DOCK4: variants seen among roughly 807,000 people sequenced by gnomAD.
DOCK4 encodes the protein dedicator of cytokinesis 4.
Under a neutral mutation model 268.1 loss-of-function variants are expected in DOCK4, and 97 were observed. The ratio of observed to expected loss-of-function variants is 0.36; its 90% CI spans 0.31 to 0.43. The LOEUF (loss-of-function observed/expected upper bound fraction) is 0.43. Among genes scored for constraint, DOCK4 ranks in the 20% least tolerant of loss-of-function variants. DOCK4 has a pLI of 1.00. For synonymous variants in DOCK4, 954 were observed against 887.2 expected (o/e 1.08, Z -1.34); for missense variants, 2,145 against 2,455.7 (o/e 0.87, Z 2.67).
intron 8 of DOCK4, among the ~76,000 whole-genome samples, chr7:111,973,864 T>C (rs1797927121): frequency 6.6e-6 from 1 of 152,090 alleles, no homozygotes; most frequent in African/African-American, 2.4e-5. Context: ...ATGTTGGAAA[T>C]TTTTCTAAAA....
rs138837802 is a variant in DOCK4, at chr7:112,196,970, T to C, written c.37+9132A>G. Among the ~76,000 whole-genome samples the C allele has an allele frequency of 8.0e-4, 122 of 152,258 alleles. 1 individual carries two copies. Among genetic ancestry groups the C allele is most frequent in the African/African-American group, 2.8e-3 (116 of 41,548 alleles). Reference sequence around the variant, plus strand: ...CTTAGCAAATTTCAAGTATACATTATTGTTAACTATAATCACCACGCCGTA... The same window carrying C: ...CTTAGCAAATTTCAAGTATACATTACTGTTAACTATAATCACCACGCCGTA... On this transcript the variant is annotated intron_variant, in intron 1 of 52. Coordinates refer to ENST00000428084, the MANE Select transcript of DOCK4 (RefSeq NM_001363540.2).
chr7:111,752,791 T>G (rs1796759280), intron 42 of DOCK4, among the ~76,000 whole-genome samples: 1 of 151,918 alleles, frequency 6.6e-6, no homozygotes, highest in African/African-American at 2.4e-5. Context: ...TTTCACCATG[T>G]TGGTTAGGCT....
In DOCK4 at chr7:111,903,517, A is replaced by G. The variant is rs542706626; in HGVS notation, c.1193-1716T>C. Among the ~76,000 whole-genome samples, 5 of 152,280 alleles carry G rather than the reference A, an allele frequency of 3.3e-5. No homozygotes were observed. In the East Asian group the frequency reaches 9.6e-4, roughly 29 times the overall value. On this transcript the variant is annotated intron_variant, in intron 13 of 52. Transcript: ENST00000428084. The stretch of plus-strand genomic sequence containing the variant: ...AAAGTTTTCTGTTTTAACTATTTCC[A>G]TTACTAATTTTTAGAGAATGGCCCA...
chr7:111,767,226 TC>T, intron 37 of DOCK4, 108 bp from the exon 38 acceptor site: 32 of 649,690 alleles, frequency 4.9e-5, no homozygotes, highest in East Asian at 9.7e-5. Flanking sequence ...TACTCCTTAA[TC>T]TTTTTTTTTT....
intron 16 of DOCK4, among the ~76,000 whole-genome samples, chr7:111,892,286 C>T (rs1389437603): frequency 6.6e-6 from 1 of 152,178 alleles, no homozygotes; most frequent in South Asian, 2.1e-4. Context: ...CTGTAACCTC[C>T]GCCTCCTGGG....
chr7:111,809,935 C>A (rs1800964631), intron 28 of DOCK4, among the ~76,000 whole-genome samples: 1 of 137,276 alleles, frequency 7.3e-6, no homozygotes. Flanking sequence ...TTTCTTATAC[C>A]AAAAAACAGA....
At chr7:111,851,586 A>T (rs1443667955) in intron 23 of DOCK4, among the ~76,000 whole-genome samples, 1 of 152,136 alleles carries the variant, frequency 6.6e-6, no homozygotes, top group Non-Finnish European at 1.5e-5. Flanking sequence ...GATCAAAATT[A>T]AAAATTCTAC....
intron 2 of DOCK4, 32 bp downstream of exon 2, chr7:112,004,016 A>C: frequency 6.6e-7 from 1 of 1,512,044 alleles, no homozygotes; most frequent in Non-Finnish European, 9.1e-7. Context: ...GAACAGCCGT[A>C]TGTTGAGGAG....
intron 1 of DOCK4, among the ~76,000 whole-genome samples, chr7:112,073,532 ATAT>A (rs1807793144): frequency 6.6e-6 from 1 of 152,192 alleles, no homozygotes; most frequent in South Asian, 2.1e-4. Context: ...TGGCTGAATA[ATAT>A]TTCATTGTGT....
intron 36 of DOCK4, among the ~76,000 whole-genome samples, chr7:111,772,455 C>G (rs987850305): frequency 4.6e-5 from 7 of 152,034 alleles, no homozygotes; most frequent in African/African-American, 1.7e-4. Context: ...CTGAACTGTA[C>G]ACTTAAAAAT....
chr7:112,079,725 T>C (rs1159222083), intron 1 of DOCK4, among the ~76,000 whole-genome samples: 1 of 152,194 alleles, frequency 6.6e-6, no homozygotes, highest in Admixed American at 6.5e-5. Flanking sequence ...TCTTATTTTG[T>C]AGAATGGAAA....
intron 27 of DOCK4, among the ~76,000 whole-genome samples, chr7:111,822,109 T>C (rs963912791): frequency 1.3e-5 from 2 of 152,346 alleles, no homozygotes; most frequent in East Asian, 3.9e-4. Flanking sequence ...CAAGTGGTTA[T>C]ACAGCCTAGG....
intron 1 of DOCK4, among the ~76,000 whole-genome samples, chr7:112,205,569 G>A (rs1207460120): frequency 6.6e-6 from 1 of 152,114 alleles, no homozygotes; most frequent in Non-Finnish European, 1.5e-5. Context: ...GCTCTCTCCA[G>A]GACCCTGCCA....
At chr7:111,917,873 C>T (rs1703411512) in intron 12 of DOCK4, among the ~76,000 whole-genome samples, 1 of 152,012 alleles carries the variant, frequency 6.6e-6, no homozygotes, top group Admixed American at 6.6e-5. Flanking sequence ...TATGATAATG[C>T]TGTATAAGAA....
At chr7:111,747,561 T>C in intron 42 of DOCK4, 118 bp from the exon 43 acceptor site, 4 of 940,702 alleles carry the variant, frequency 4.3e-6, no homozygotes, top group Non-Finnish European at 6.2e-6. Context: ...TCAATATCTC[T>C]ACCAGGGGCC....
intron 44 of DOCK4, among the ~76,000 whole-genome samples, chr7:111,744,534 A>G (rs886454318): frequency 6.6e-6 from 1 of 152,202 alleles, no homozygotes; most frequent in Non-Finnish European, 1.5e-5. Context: ...GAAGAAATAA[A>G]GGTTCCCTGG....
At chr7:111,976,177 T>TATATACAC (rs1435347839) in intron 8 of DOCK4, among the ~76,000 whole-genome samples, 3 of 89,160 alleles carry the variant, frequency 3.4e-5, no homozygotes, top group African/African-American at 2.1e-4. Context: ...TATATATATA[T>TATATACAC]ACACACACAC....
At chr7:111,918,075 A>G (rs1392041252) in intron 12 of DOCK4, among the ~76,000 whole-genome samples, 1 of 152,164 alleles carries the variant, frequency 6.6e-6, no homozygotes, top group Non-Finnish European at 1.5e-5. Context: ...AAAATTTGTA[A>G]ACCAAAATAA....
intron 1 of DOCK4, among the ~76,000 whole-genome samples, chr7:112,079,403 A>G (rs1057098972): frequency 3.3e-5 from 5 of 152,182 alleles, no homozygotes; most frequent in Admixed American, 3.3e-4. Context: ...AACAAAACTC[A>G]GCTAATCCAT....
Sources: allele counts gnomAD v4.1 joint callset (sites outside exome capture counted in the v4.1 genomes callset), GRCh38; gene constraint gnomAD v4.1.1; transcripts MANE v1.5; gene names NCBI Gene and HGNC (gene_info 2026-07-23, HGNC 2026-07-21).